Variants in EPM2A observed in about 807,000 individuals in gnomAD.
EPM2A encodes EPM2A glucan phosphatase, laforin.
A neutral mutation model predicts 26.5 loss-of-function variants in EPM2A; 21 were observed. The observed-to-expected ratio is 0.79, with a 90% CI of 0.56 to 1.14. The LOEUF (loss-of-function observed/expected upper bound fraction) is 1.14, where lower values mean the gene tolerates loss of function less well. Ranked by LOEUF, EPM2A falls within the 50% of genes most tolerant of loss-of-function variation. The probability of loss-of-function intolerance (pLI) is 0.00; values close to 1 mark genes in which losing one functional copy is unlikely to be tolerated. For missense variants in EPM2A, 458 were observed against 440.8 expected, an observed-to-expected ratio of 1.04 and a Z score of -0.35; for synonymous variants, 217 against 177.6, an observed-to-expected ratio of 1.22 and a Z score of -1.76.
At chr6:145,546,243 G>A (rs895435921) in intron 2 of EPM2A, among the ~76,000 whole-genome samples, 1 of 152,110 alleles carries the variant, frequency 6.6e-6, no homozygotes, top group South Asian at 2.1e-4. Context: ...AGCTGCTGGT[G>A]CAAGTTCCAG....
chr6:145,531,991 C>A (rs1394335514), intron 2 of EPM2A, among the ~76,000 whole-genome samples: 1 of 152,170 alleles, frequency 6.6e-6, no homozygotes, highest in African/African-American at 2.4e-5. Flanking sequence ...GGTTAACATA[C>A]CCCCAGTGGG....
chr6:145,393,818 TATTTTTTTTTC>T (rs1778369266), intron 4 of EPM2A, among the ~76,000 whole-genome samples: 1 of 112,860 alleles, frequency 8.9e-6, no homozygotes, highest in Non-Finnish European at 1.9e-5. Context: ...AACCTATGAC[TATTTTTTTTTC>T]TTTTTTTTTT....
chr6:145,670,936 G>A (rs1400097521), intron 2 of EPM2A: 1 of 984,748 alleles, frequency 1.0e-6, no homozygotes, highest in Non-Finnish European at 1.2e-6. Flanking sequence ...ACAAAAAGGA[G>A]AAGCATGTTG....
At chr6:145,681,789 T>C (rs56109944) in intron 2 of EPM2A, among the ~76,000 whole-genome samples, 1 of 152,280 alleles carries the variant, frequency 6.6e-6, no homozygotes, top group South Asian at 2.1e-4. Flanking sequence ...AGACAGGTGC[T>C]TGTCAGCTTA....
intron 1 of EPM2A, among the ~76,000 whole-genome samples, chr6:145,718,534 A>T (rs1447925255): frequency 6.6e-6 from 1 of 152,190 alleles, no homozygotes; most frequent in East Asian, 1.9e-4. Context: ...AAACCTAGGC[A>T]TTACCATTCA....
At chr6:145,474,298 C>A (rs1779514447) in intron 4 of EPM2A, among the ~76,000 whole-genome samples, 1 of 151,950 alleles carries the variant, frequency 6.6e-6, no homozygotes, top group Non-Finnish European at 1.5e-5. Context: ...CCCATCTCTA[C>A]TAAAAATACA....
At chr6:145,582,909 G>A (rs369081605) in intron 2 of EPM2A, among the ~76,000 whole-genome samples, 1 of 152,008 alleles carries the variant, frequency 6.6e-6, no homozygotes, top group South Asian at 2.1e-4. Flanking sequence ...ACCAGTATTC[G>A]AGCTCTTAGA....
chr6:145,409,011 A>G (rs1206300205), intron 4 of EPM2A, among the ~76,000 whole-genome samples: 1 of 152,200 alleles, frequency 6.6e-6, no homozygotes, highest in Non-Finnish European at 1.5e-5. Context: ...GCAAGTACTA[A>G]TACCAAAAAA....
intron 2 of EPM2A, among the ~76,000 whole-genome samples, chr6:145,642,153 G>A (rs200874488): frequency 6.6e-6 from 1 of 152,082 alleles, no homozygotes; most frequent in East Asian, 1.9e-4. Context: ...CAAAGATTGA[G>A]GCAAATAACC....
At chr6:145,683,533 G>T (rs1298393456) in intron 2 of EPM2A, among the ~76,000 whole-genome samples, 3 of 151,962 alleles carry the variant, frequency 2.0e-5, no homozygotes, top group African/African-American at 7.2e-5. Context: ...AGAAAATAAA[G>T]AAACGTACGC....
intron 2 of EPM2A, among the ~76,000 whole-genome samples, chr6:145,653,307 GT>G (rs1446939932): frequency 6.6e-6 from 1 of 152,182 alleles, no homozygotes; most frequent in Non-Finnish European, 1.5e-5. Flanking sequence ...TTATAAGGCA[GT>G]TTTCCCTGCT....
At chr6:145,605,498 C>A (rs1241229467) in intron 2 of EPM2A, among the ~76,000 whole-genome samples, 3 of 152,108 alleles carry the variant, frequency 2.0e-5, no homozygotes, top group Non-Finnish European at 4.4e-5. Context: ...CAGAGCTACA[C>A]TGGAATTCTT....
intron 4 of EPM2A, among the ~76,000 whole-genome samples, chr6:145,476,265 G>T (rs781621628): frequency 3.3e-5 from 5 of 152,048 alleles, no homozygotes; most frequent in African/African-American, 4.8e-5. Flanking sequence ...CAACATGGGA[G>T]CACCCAGGTA....
Position 145,569,261 on chromosome 6 carries a change from G to C in EPM2A, c.340+65984C>G, listed in dbSNP as rs140460710. On this transcript the variant is annotated intron_variant, in intron 2 of 3. Coordinates refer to the EPM2A transcript ENST00000450221. ...GTAAACATGTTTTACTCTTTCACTG[G>C]TACTACCATCATTACATGATAGTAA... Among the ~76,000 whole-genome samples the C allele has an allele frequency of 2.2e-3, 328 of 152,220 alleles. 5 individuals are homozygous for C. Among genetic ancestry groups the C allele is most frequent in the East Asian group, 0.018 (93 of 5,184 alleles).
chr6:145,639,545 T>C (rs1776935546), intron 2 of EPM2A: 1 of 152,254 alleles, frequency 6.6e-6, no homozygotes, highest in African/African-American at 2.4e-5. Flanking sequence ...AAGGTCTCCA[T>C]ATGCATGTAA....
intron 2 of EPM2A, among the ~76,000 whole-genome samples, chr6:145,673,439 GC>G (rs1177983387): frequency 6.6e-6 from 1 of 152,212 alleles, no homozygotes; most frequent in Admixed American, 6.5e-5. Context: ...AGTGGGTGCA[GC>G]CCACGGAGGG....
At position 145,489,593 on chromosome 6, in the gene EPM2A, C is replaced by A. The variant is rs1458343525; in HGVS notation, c.555+12929G>T. The A allele has an allele frequency of 1.4e-5, 15 of 1,070,518 alleles. No individual in the cohort carries two copies. In the East Asian group the frequency reaches 3.1e-4, roughly 22 times the overall value. The allele number at this position is 1,070,518 out of a possible 1,614,324, so 66.3% of individuals were successfully genotyped here. ...TACTGCCCATAATCCGTTCAAAAAC[C>A]CAACAAGTAAATTTAAAAATATATT... On this transcript the variant is annotated intron_variant, in intron 4 of 4. Coordinates refer to the EPM2A transcript ENST00000638717.
Position 145,735,435 on chromosome 6 carries a change from C to A in EPM2A, c.64G>T (p.Val22Leu). ...CCCAGCTCGGGCCGCGACCCCACCA[C>A]CAGCAGCTCCGGCCGGGCGCCGGCC... is the stretch of plus-strand genomic sequence containing the variant. ...AVAGARPELL[V>L]VGSRPELGRW... Residue 22 changes from valine to leucine, a missense_variant, in exon 1 of 4, where the codon GTG (valine) becomes TTG (leucine). By Grantham distance (32) the Val-to-Leu change is conservative. Transcript: ENST00000367519. 1 of 1,255,066 alleles carries A rather than the reference C, an allele frequency of 8.0e-7. No homozygotes were observed. Among genetic ancestry groups the A allele is most frequent in the Non-Finnish European group, 1.0e-6 (1 of 993,452 alleles). 77.7% of individuals were successfully genotyped at this position (1,255,066 alleles called of 1,614,324 possible).
chr6:145,418,878 C>G (rs1408703110), intron 4 of EPM2A, among the ~76,000 whole-genome samples: 1 of 152,150 alleles, frequency 6.6e-6, no homozygotes, highest in Non-Finnish European at 1.5e-5. Context: ...ATGAAGTATG[C>G]TATGTAGTTA....
Sources: gnomAD v4.1 joint callset for allele counts (sites outside exome capture counted in the v4.1 genomes callset) on GRCh38, gnomAD v4.1.1 for gene constraint, MANE v1.5 for transcripts, NCBI Gene and HGNC (gene_info 2026-07-23, HGNC 2026-07-21) for gene names.